Variants in CFAP161 observed in about 807,000 individuals in gnomAD.
CFAP161 encodes cilia- and flagella-associated protein 161.
CFAP161 carries 25 observed loss-of-function variants against 29.0 expected under a neutral mutation model. That is an observed-to-expected ratio of 0.86 (90% confidence interval 0.63 to 1.20). The LOEUF (loss-of-function observed/expected upper bound fraction) is 1.20. Ranked by LOEUF, CFAP161 falls within the 50% of genes most tolerant of loss-of-function variation. The pLI, the probability that CFAP161 is intolerant of heterozygous loss-of-function variation, is 0.00. For synonymous variants in CFAP161, 116 were observed against 137.4 expected, an observed-to-expected ratio of 0.84 and a Z score of 1.09; for missense variants, 367 against 371.9, an observed-to-expected ratio of 0.99 and a Z score of 0.11.
At chr15:81,121,453 CTCTT>C (rs1435740887) in intron 1 of CFAP161, among the ~76,000 whole-genome samples, 1 of 151,890 alleles carries the variant, frequency 6.6e-6, no homozygotes, top group Non-Finnish European at 1.5e-5. Context: ...GACAAAATTA[CTCTT>C]TCTTTCTCAA....
chr15:81,115,295 A>G (rs1894483776), intron 1 of CFAP161, among the ~76,000 whole-genome samples: 1 of 152,162 alleles, frequency 6.6e-6, no homozygotes, highest in African/African-American at 2.4e-5. Flanking sequence ...TTTTTCCAAA[A>G]GCATCACTGA....
At chr15:81,126,576 AAG>A (rs1208185076) in intron 1 of CFAP161, among the ~76,000 whole-genome samples, 1 of 152,178 alleles carries the variant, frequency 6.6e-6, no homozygotes, top group African/African-American at 2.4e-5. Flanking sequence ...TGTAGCCAAA[AAG>A]TAAAATTTTT....
At chr15:81,115,085 T>C (rs1320380441) in intron 1 of CFAP161, among the ~76,000 whole-genome samples, 7 of 152,214 alleles carry the variant, frequency 4.6e-5, no homozygotes, top group Non-Finnish European at 1.0e-4. Context: ...TGCAGAAGGA[T>C]TTTTTGTATA....
intron 1 of CFAP161, 87 bp downstream of exon 1, chr15:81,134,485 A>C: frequency 4.5e-6 from 6 of 1,323,642 alleles, no homozygotes; most frequent in Non-Finnish European, 5.3e-6. Flanking sequence ...TGAGCGCCTC[A>C]AGCCTCCTCT....
chr15:81,128,192 C>T (rs1418768719), intron 2 of CFAP161, among the ~76,000 whole-genome samples: 4 of 152,158 alleles, frequency 2.6e-5, no homozygotes, highest in African/African-American at 7.2e-5. Context: ...CTCTATTTGT[C>T]AGAATTATCT....
At chr15:81,101,372 C>G (rs1217256712) in intron 1 of CFAP161, among the ~76,000 whole-genome samples, 1 of 151,438 alleles carries the variant, frequency 6.6e-6, no homozygotes, top group Non-Finnish European at 1.5e-5. Flanking sequence ...ATTAAAAATA[C>G]AAAAATTAGC....
chr15:81,122,237 G>A (rs751960902), intron 1 of CFAP161, among the ~76,000 whole-genome samples: 3 of 152,118 alleles, frequency 2.0e-5, no homozygotes, highest in East Asian at 1.9e-4. Context: ...CCAGTAATGC[G>A]ATTGCTGGGT....
intron 1 of CFAP161, among the ~76,000 whole-genome samples, chr15:81,126,245 CT>C (rs1023051637): frequency 6.6e-6 from 1 of 152,194 alleles, no homozygotes; most frequent in African/African-American, 2.4e-5. Context: ...CATTGCTAAA[CT>C]TTATTTGCCC....
intron 1 of CFAP161, among the ~76,000 whole-genome samples, chr15:81,116,627 C>G (rs927724376): frequency 6.6e-6 from 1 of 152,156 alleles, no homozygotes; most frequent in Non-Finnish European, 1.5e-5. Context: ...TTGGGAAAAG[C>G]TGTTTATGGT....
chr15:81,100,322 T>TTTA (rs1343578133), intron 1 of CFAP161, among the ~76,000 whole-genome samples: 16 of 150,146 alleles, frequency 1.1e-4, no homozygotes, highest in African/African-American at 3.6e-4. Flanking sequence ...CAGTCTTCTA[T>TTTA]TATAGAGTTC....
At chr15:81,134,669 C>T (rs1894777532) in intron 1 of CFAP161, among the ~76,000 whole-genome samples, 1 of 152,116 alleles carries the variant, frequency 6.6e-6, no homozygotes, top group African/African-American at 2.4e-5. Flanking sequence ...CTCTCAAGCC[C>T]CTGGCCTGTG....
Position 81,148,986 on chromosome 15 carries a change from C to T in CFAP161, c.*453C>T, listed in dbSNP as rs1895062850. On this transcript the variant is annotated 3_prime_UTR_variant, in exon 7 of 7. Coordinates refer to ENST00000286732, the MANE Select transcript of CFAP161 (RefSeq NM_173528.4). Reference sequence around the variant, plus strand: ...TTACCTTGGAATTAAACATTTCCACCTTTGTAAAACATCCTATTTTTGTTT... The same window carrying T: ...TTACCTTGGAATTAAACATTTCCACTTTTGTAAAACATCCTATTTTTGTTT... 1 of 152,520 alleles carries T rather than the reference C, an allele frequency of 6.6e-6. No homozygotes were observed. The highest frequency in any genetic ancestry group is 2.4e-5 in the African/African-American group (1 of 41,470). 9.4% of individuals were successfully genotyped at this position (152,520 alleles called of 1,614,324 possible). A position where few individuals can be genotyped will look rare whatever the true frequency, so the allele number is the denominator to read the frequency against.
At chr15:81,140,061 T>TC (rs1287667493) in intron 4 of CFAP161, among the ~76,000 whole-genome samples, 4 of 152,172 alleles carry the variant, frequency 2.6e-5, no homozygotes, top group Non-Finnish European at 4.4e-5. Context: ...TTTTTCTTTC[T>TC]CCCTCCCTCT....
At chr15:81,142,237 T>C (rs935759137) in intron 4 of CFAP161, among the ~76,000 whole-genome samples, 8 of 152,240 alleles carry the variant, frequency 5.3e-5, no homozygotes, top group South Asian at 2.1e-4. Flanking sequence ...CTTCAGACCA[T>C]ACTAGACAGG....
At chr15:81,133,007 G>C (rs1894732048), upstream of CFAP161, among the ~76,000 whole-genome samples, 1 of 151,520 alleles carries the variant, frequency 6.6e-6, no homozygotes, top group Non-Finnish European at 1.5e-5. Flanking sequence ...GGATTCATCA[G>C]AATGTGGGAA....
chr15:81,110,029 T>C (rs1464771190), intron 1 of CFAP161, among the ~76,000 whole-genome samples: 2 of 152,222 alleles, frequency 1.3e-5, no homozygotes, highest in Admixed American at 1.3e-4. Context: ...AGAATCCATG[T>C]AGCTCTGATA....
At chr15:81,141,404 C>T (rs1192921146) in intron 4 of CFAP161, among the ~76,000 whole-genome samples, 1 of 152,082 alleles carries the variant, frequency 6.6e-6, no homozygotes, top group Admixed American at 6.5e-5. Flanking sequence ...TTATATTCAC[C>T]TTTGATGAGA....
Position 81,138,071 on chromosome 15 carries a change from G to T in CFAP161, c.413G>T (p.Gly138Val). 1 of 1,611,598 alleles carries T rather than the reference G, an allele frequency of 6.2e-7. No homozygotes were observed. The highest frequency in any genetic ancestry group is 8.5e-7 in the Non-Finnish European group (1 of 1,177,704). The stretch of plus-strand genomic sequence containing the variant: ...GACAGTGTACACAGAGATGCCACTG[G>T]TCAAGTCCTTAGATATGGGCAGGAC... ...IILSVHRDAT[G>V]QVLRYGQDFC... Residue 138 changes from glycine to valine, a missense_variant, in exon 4 of 7, where the codon GGT (glycine) becomes GTT (valine). Coordinates refer to ENST00000286732, the MANE Select transcript of CFAP161 (RefSeq NM_173528.4).
chr15:81,143,572 G>A, intron 4 of CFAP161, 90 bp from the exon 5 acceptor site: 1 of 1,383,570 alleles, frequency 7.2e-7, no homozygotes, highest in Non-Finnish European at 1.0e-6. Flanking sequence ...TGCTTTGAAT[G>A]TGCTTGCCGT....
Sources: allele counts gnomAD v4.1 joint callset (sites outside exome capture counted in the v4.1 genomes callset), GRCh38; gene constraint gnomAD v4.1.1; transcripts MANE v1.5; gene names NCBI Gene and HGNC (gene_info 2026-07-23, HGNC 2026-07-21).